MTHFD1L: variants seen among roughly 807,000 people sequenced by gnomAD.
MTHFD1L encodes monofunctional C1-tetrahydrofolate synthase, mitochondrial.
Under a neutral mutation model 119.5 loss-of-function variants are expected in MTHFD1L, and 81 were observed. The ratio of observed to expected loss-of-function variants is 0.68; its 90% confidence interval spans 0.57 to 0.82. The LOEUF (loss-of-function observed/expected upper bound fraction) is 0.82, where lower values mean the gene tolerates loss of function less well. MTHFD1L is among the 40% of genes least tolerant of loss of function. The pLI is 0.00. For missense variants in MTHFD1L, 1,125 were observed against 1,253.4 expected (o/e 0.90, Z 1.55); for synonymous variants, 430 against 475.2 (o/e 0.90, Z 1.24).
At chr6:150,947,353 C>T (rs921045912) in intron 15 of MTHFD1L, among the ~76,000 whole-genome samples, 2 of 151,402 alleles carry the variant, frequency 1.3e-5, no homozygotes, top group African/African-American at 4.8e-5. Context: ...CTTCAGCCTC[C>T]CAAAGTGCTG....
chr6:150,892,598 A>G (rs1389024369), intron 7 of MTHFD1L, among the ~76,000 whole-genome samples: 3 of 152,308 alleles, frequency 2.0e-5, no homozygotes, highest in Middle Eastern at 3.4e-3. Context: ...ATATGGGAAG[A>G]AATGTTCATA....
intron 26 of MTHFD1L, among the ~76,000 whole-genome samples, chr6:151,053,238 G>A (rs1789359157): frequency 6.6e-6 from 1 of 152,146 alleles, no homozygotes; most frequent in Admixed American, 6.5e-5. Context: ...GAGACCAGTA[G>A]CCTGGTTTCC....
chr6:151,015,446 T>C (rs1360566722), intron 23 of MTHFD1L, 70 bp from the exon 24 acceptor site: 11 of 1,519,458 alleles, frequency 7.2e-6, no homozygotes, highest in South Asian at 1.3e-5. Flanking sequence ...TCTGTATAAA[T>C]GGTGAGTCTT....
chr6:151,049,971 T>G (rs1788761247), intron 26 of MTHFD1L, among the ~76,000 whole-genome samples: 1 of 152,014 alleles, frequency 6.6e-6, no homozygotes, highest in Non-Finnish European at 1.5e-5. Context: ...CTACACCTTG[T>G]GGGAAGGAAT....
chr6:151,024,201 C>G (rs1784333333), intron 24 of MTHFD1L, among the ~76,000 whole-genome samples: 1 of 151,878 alleles, frequency 6.6e-6, no homozygotes, highest in South Asian at 2.1e-4. Context: ...CATTGATGTT[C>G]CTAAGTCAGA....
At chr6:150,898,951 T>A (rs1784702380) in intron 7 of MTHFD1L, 1 of 1,060,966 alleles carries the variant, frequency 9.4e-7, no homozygotes, top group Non-Finnish European at 1.1e-6. Flanking sequence ...GATTCTCCTG[T>A]GAAAGGGAAT....
intron 7 of MTHFD1L, among the ~76,000 whole-genome samples, chr6:150,900,523 G>A (rs1784940762): frequency 6.6e-6 from 1 of 152,120 alleles, no homozygotes; most frequent in African/African-American, 2.4e-5. Context: ...GCATCCGCAT[G>A]CTCCCAGGCC....
At chr6:150,966,199 G>T (rs1255455058) in intron 19 of MTHFD1L, among the ~76,000 whole-genome samples, 1 of 152,184 alleles carries the variant, frequency 6.6e-6, no homozygotes, top group Non-Finnish European at 1.5e-5. Context: ...AAGAAAATTG[G>T]TTTAATTGGC....
At chr6:150,983,722 A>T (rs990811248) in intron 20 of MTHFD1L, among the ~76,000 whole-genome samples, 1 of 152,220 alleles carries the variant, frequency 6.6e-6, no homozygotes, top group Non-Finnish European at 1.5e-5. Context: ...GTTGTCATAA[A>T]AGAAGTTTCC....
At chr6:150,994,779 A>G (rs1188505613) in intron 20 of MTHFD1L, among the ~76,000 whole-genome samples, 6 of 152,204 alleles carry the variant, frequency 3.9e-5, no homozygotes, top group Non-Finnish European at 5.9e-5. Context: ...AAAGCTTCAT[A>G]TTAGATTAGT....
In MTHFD1L at chr6:151,043,946, A is replaced by G. The variant is rs537487470; in HGVS notation, c.2847+6829A>G. The stretch of plus-strand genomic sequence containing the variant: ...GGGTTTTCAAATTTAATGAGGAAAA[A>G]GAAACCCCAAAACTGGAATTGTAAT... On this transcript the variant is annotated intron_variant, in intron 26 of 27. Transcript: ENST00000367321. Among the ~76,000 whole-genome samples the G allele has an allele frequency of 2.1e-3, 313 of 152,362 alleles. 1 individual carries two copies. Among genetic ancestry groups the G allele is most frequent in the African/African-American group, 6.4e-3 (266 of 41,586 alleles).
intron 10 of MTHFD1L, among the ~76,000 whole-genome samples, chr6:150,922,825 G>A (rs6899841): frequency 0.089 from 13,454 of 151,898 alleles, 844 homozygotes; most frequent in African/African-American, 0.17. Flanking sequence ...TGTATTTTTA[G>A]TAGAGATGGG....
chr6:151,030,082 T>C (rs1380396416), intron 24 of MTHFD1L, among the ~76,000 whole-genome samples: 3 of 152,230 alleles, frequency 2.0e-5, no homozygotes, highest in Non-Finnish European at 2.9e-5. Flanking sequence ...AAGGTTTGTA[T>C]AGCATGACGT....
At chr6:151,071,327 G>T (rs1338747809) in intron 26 of MTHFD1L, among the ~76,000 whole-genome samples, 1 of 152,158 alleles carries the variant, frequency 6.6e-6, no homozygotes, top group African/African-American at 2.4e-5. Context: ...CTGTGATACA[G>T]TGCATCTACA....
At chr6:151,004,026 AAGAG>A (rs543168443) in intron 20 of MTHFD1L, among the ~76,000 whole-genome samples, 39 of 142,544 alleles carry the variant, frequency 2.7e-4, no homozygotes, top group East Asian at 9.9e-4. Context: ...AAAAAAAAAA[AAGAG>A]AGAGAGAGAT....
At chr6:150,866,450 G>GGGCTGC (rs1348221050) in intron 1 of MTHFD1L, 48 of 1,324,730 alleles carry the variant, frequency 3.6e-5, no homozygotes, top group Non-Finnish European at 4.0e-5. Context: ...GAGGAGGGCG[G>GGGCTGC]GGCTGCGGCT....
At chr6:150,935,240 T>C in intron 11 of MTHFD1L, 2 of 1,611,932 alleles carry the variant, frequency 1.2e-6, no homozygotes, top group Non-Finnish European at 1.7e-6. Context: ...ATATACCAGA[T>C]GCACAGATGG....
At position 150,865,796 on chromosome 6, in the gene MTHFD1L, TC is replaced by T; in HGVS notation, c.-23del. On this transcript the variant is annotated 5_prime_UTR_variant, in exon 1 of 28. Transcript: ENST00000367321. The stretch of plus-strand genomic sequence containing the variant: ...CGCCCTCGGCAGCCGCAGCTCCGTG[TC>T]CCCTGAGAACCAGCCGTCCCGCGCC... 1 of 1,290,854 alleles carries T rather than the reference TC, an allele frequency of 7.7e-7. No individual in the cohort carries two copies. The highest frequency in any genetic ancestry group is 9.9e-7 in the Non-Finnish European group (1 of 1,012,654). The allele number at this position is 1,290,854 out of a possible 1,614,324, so 80.0% of individuals were successfully genotyped here. A position where few individuals can be genotyped will look rare whatever the true frequency, so the allele number is the denominator to read the frequency against.
At chr6:150,998,318 CT>C (rs1237533907) in intron 20 of MTHFD1L, among the ~76,000 whole-genome samples, 2 of 151,568 alleles carry the variant, frequency 1.3e-5, no homozygotes, top group African/African-American at 4.9e-5. Context: ...TTCTGTCTGT[CT>C]TAATTTATTC....
Sources: allele counts gnomAD v4.1 joint callset (sites outside exome capture counted in the v4.1 genomes callset), GRCh38; gene constraint gnomAD v4.1.1; transcripts MANE v1.5; gene names NCBI Gene and HGNC (gene_info 2026-07-23, HGNC 2026-07-21).